The following KCNH5 variants were observed in gnomAD, a reference collection of about 807,000 sequenced individuals.
KCNH5 encodes the protein potassium voltage-gated channel subfamily H member 5, also known as voltage-gated delayed rectifier potassium channel KCNH5.
A neutral mutation model predicts 96.1 loss-of-function variants in KCNH5; 46 were observed. That is an observed-to-expected ratio of 0.48 (90% confidence interval 0.38 to 0.61). The LOEUF is 0.61. KCNH5 is among the 20% of genes least tolerant of loss of function. KCNH5 has a pLI of 0.00. For synonymous variants in KCNH5, 439 were observed against 449.8 expected, an observed-to-expected ratio of 0.98 and a Z score of 0.30; for missense variants, 907 against 1,225.8, an observed-to-expected ratio of 0.74 and a Z score of 3.88.
At chr14:63,000,819 A>G (rs1890996266) in intron 4 of KCNH5, among the ~76,000 whole-genome samples, 1 of 152,194 alleles carries the variant, frequency 6.6e-6, no homozygotes, top group African/African-American at 2.4e-5. Flanking sequence ...CACGTCTGTA[A>G]TCCCAGCACT....
intron 7 of KCNH5, among the ~76,000 whole-genome samples, chr14:62,852,000 G>A (rs1432605242): frequency 6.6e-6 from 1 of 152,082 alleles, no homozygotes; most frequent in African/African-American, 2.4e-5. Context: ...AATAAGTGAA[G>A]AATTATCAAC....
intron 7 of KCNH5, among the ~76,000 whole-genome samples, chr14:62,934,954 T>C (rs1016091602): frequency 4.6e-5 from 7 of 152,092 alleles, no homozygotes; most frequent in African/African-American, 1.4e-4. Context: ...GAAGGGAAAA[T>C]CAAAGGCAGC....
At chr14:62,961,415 T>C (rs985109388) in intron 6 of KCNH5, among the ~76,000 whole-genome samples, 1 of 152,120 alleles carries the variant, frequency 6.6e-6, no homozygotes, top group Non-Finnish European at 1.5e-5. Context: ...GGACTGGGCT[T>C]AAAAATGTAA....
At chr14:62,932,493 T>TAAAA (rs1478959668) in intron 7 of KCNH5, among the ~76,000 whole-genome samples, 1 of 122,188 alleles carries the variant, frequency 8.2e-6, no homozygotes, top group Non-Finnish European at 1.8e-5. Context: ...AAAAAAAAAC[T>TAAAA]AAAAAACCAA....
intron 10 of KCNH5, among the ~76,000 whole-genome samples, chr14:62,778,179 C>T (rs145406714): frequency 3.7e-4 from 57 of 152,204 alleles, no homozygotes; most frequent in Admixed American, 1.6e-3. Flanking sequence ...AGTCTTCCCT[C>T]GGTATACGAG....
intron 4 of KCNH5, among the ~76,000 whole-genome samples, chr14:62,999,547 G>T (rs1890972609): frequency 1.3e-5 from 2 of 152,014 alleles, no homozygotes; most frequent in African/African-American, 4.8e-5. Flanking sequence ...AAAATGATGA[G>T]TTTATGTCCT....
At chr14:62,835,504 T>C (rs1011474672) in intron 8 of KCNH5, among the ~76,000 whole-genome samples, 2 of 152,060 alleles carry the variant, frequency 1.3e-5, no homozygotes, top group African/African-American at 2.4e-5. Flanking sequence ...ACCCAATTAA[T>C]GTAATACATA....
At chr14:62,803,904 T>C (rs1886714447) in intron 8 of KCNH5, among the ~76,000 whole-genome samples, 1 of 152,220 alleles carries the variant, frequency 6.6e-6, no homozygotes, top group Non-Finnish European at 1.5e-5. Context: ...TGAAGCTAAA[T>C]TGATTTACCC....
intron 7 of KCNH5, among the ~76,000 whole-genome samples, chr14:62,912,240 A>G (rs78886641): frequency 0.038 from 5,747 of 152,128 alleles, 162 homozygotes; most frequent in East Asian, 0.082. Flanking sequence ...ATTCAGTGTT[A>G]ATAATTTTTT....
chr14:62,861,460 G>T (rs889934014), intron 7 of KCNH5, among the ~76,000 whole-genome samples: 7 of 151,916 alleles, frequency 4.6e-5, no homozygotes, highest in Non-Finnish European at 8.8e-5. Flanking sequence ...ACAGGGTCTT[G>T]CTATGGTTCC....
intron 4 of KCNH5, 73 bp downstream of exon 4, chr14:63,001,258 C>T: frequency 7.3e-7 from 1 of 1,364,650 alleles, no homozygotes; most frequent in Non-Finnish European, 9.9e-7. Context: ...GTTCAATCAG[C>T]AGAGGTAAAA....
chr14:62,818,115 G>T lies in KCNH5; in HGVS notation c.1570-15534C>A, dbSNP rs965936104. 2.4e-5 allele frequency among the ~76,000 whole-genome samples: 3 copies of T among 125,010 alleles called. No homozygotes were observed. The Admixed American group carries it at 2.5e-4, about 11-fold the overall frequency. 82.0% of individuals were successfully genotyped at this position (125,010 alleles called of 152,430 possible). On this transcript the variant is annotated intron_variant, in intron 8 of 10. Transcript: ENST00000322893. ...GGCTACCAGGAGCTGGGGGCGGGGG[G>T]GGGGTGGAAGAAATGGGGAGATGTT...
At chr14:62,778,967 G>T (rs945906959) in intron 10 of KCNH5, among the ~76,000 whole-genome samples, 1 of 152,184 alleles carries the variant, frequency 6.6e-6, no homozygotes, top group African/African-American at 2.4e-5. Context: ...ATTTAAGCAG[G>T]TTATAGAAAG....
chr14:63,045,073 G>A (rs1200308402), intron 1 of KCNH5, 41 bp downstream of exon 1: 14 of 1,476,460 alleles, frequency 9.5e-6, no homozygotes, highest in Non-Finnish European at 1.3e-5. Flanking sequence ...GCGTGTGGGC[G>A]GGATGGAGGT....
At chr14:62,930,572 C>G (rs540885643) in intron 7 of KCNH5, among the ~76,000 whole-genome samples, 12 of 152,298 alleles carry the variant, frequency 7.9e-5, no homozygotes, top group African/African-American at 2.9e-4. Flanking sequence ...CCTACACTGA[C>G]TGCCTCAGGC....
At chr14:62,887,494 T>C (rs1480756876) in intron 7 of KCNH5, among the ~76,000 whole-genome samples, 1 of 152,266 alleles carries the variant, frequency 6.6e-6, no homozygotes, top group East Asian at 1.9e-4. Flanking sequence ...ATCATTTGTG[T>C]ATATTTAACA....
At chr14:62,987,323 C>G (rs1476963196) in intron 4 of KCNH5, 136 bp from the exon 5 acceptor site, 2 of 653,220 alleles carry the variant, frequency 3.1e-6, no homozygotes, top group African/African-American at 3.6e-5. Context: ...AAAGTATTTT[C>G]TTTCCTTCTG....
chr14:62,789,936 T>C (rs1010371534), intron 9 of KCNH5, among the ~76,000 whole-genome samples: 1 of 151,934 alleles, frequency 6.6e-6, no homozygotes, highest in African/African-American at 2.4e-5. Flanking sequence ...TTTGCTTTTA[T>C]GGCTCAAGCT....
At chr14:62,824,952 T>A (rs1373255738) in intron 8 of KCNH5, among the ~76,000 whole-genome samples, 1 of 152,118 alleles carries the variant, frequency 6.6e-6, no homozygotes, top group Non-Finnish European at 1.5e-5. Context: ...TTGTTTTTTT[T>A]ATGGCTGTAT....
Sources: gnomAD v4.1 joint callset for allele counts (sites outside exome capture counted in the v4.1 genomes callset) on GRCh38, gnomAD v4.1.1 for gene constraint, MANE v1.5 for transcripts, NCBI Gene and HGNC (gene_info 2026-07-23, HGNC 2026-07-21) for gene names.